EBF1: variants seen among roughly 807,000 people sequenced by gnomAD.
The protein encoded by EBF1 is transcription factor COE1.
A neutral mutation model predicts 68.4 loss-of-function variants in EBF1; 10 were observed. That is an observed-to-expected ratio of 0.15 (90% CI 0.09 to 0.25). The LOEUF is 0.25. Among genes scored for constraint, EBF1 ranks in the 10% least tolerant of loss-of-function variants. The pLI, the probability that EBF1 is intolerant of heterozygous loss-of-function variation, is 1.00. For missense variants in EBF1, 509 were observed against 794.4 expected, an observed-to-expected ratio of 0.64 and a Z score of 4.32; for synonymous variants, 298 against 299.8, an observed-to-expected ratio of 0.99 and a Z score of 0.06.
intron 6 of EBF1, among the ~76,000 whole-genome samples, chr5:158,941,759 A>G (rs1434205721): frequency 6.6e-6 from 1 of 152,192 alleles, no homozygotes; most frequent in Admixed American, 6.5e-5. Context: ...TTGCCCAAGG[A>G]TTAGGGGTCC....
intron 7 of EBF1, among the ~76,000 whole-genome samples, chr5:158,825,982 G>A (rs1582265789): frequency 6.7e-6 from 1 of 150,252 alleles, no homozygotes; most frequent in Non-Finnish European, 1.5e-5. Flanking sequence ...TTTAAAAATA[G>A]GCCCATGGTA....
chr5:158,962,451 A>G (rs1352057459), intron 6 of EBF1, among the ~76,000 whole-genome samples: 2 of 152,166 alleles, frequency 1.3e-5, no homozygotes, highest in African/African-American at 4.8e-5. Flanking sequence ...CAAGCTCAAT[A>G]TGATCACAGT....
chr5:158,712,881 AT>A (rs1052823490), intron 13 of EBF1, 88 bp downstream of exon 13: 2 of 1,283,416 alleles, frequency 1.6e-6, no homozygotes, highest in Non-Finnish European at 2.1e-6. Flanking sequence ...GATGAAAATA[AT>A]TTTTTAATGT....
intron 6 of EBF1, among the ~76,000 whole-genome samples, chr5:158,847,063 T>C (rs1978706): frequency 0.57 from 87,028 of 151,942 alleles, 25,705 homozygotes; most frequent in South Asian, 0.79. Flanking sequence ...TGGCCACTGA[T>C]TTCAAGAAGT....
chr5:158,841,434 T>A (rs1201243878), intron 6 of EBF1, among the ~76,000 whole-genome samples: 1 of 152,222 alleles, frequency 6.6e-6, no homozygotes, highest in South Asian at 2.1e-4. Flanking sequence ...CTAGATGTGA[T>A]GTGCCTGTGG....
At chr5:158,722,305 C>A (rs549027893) in intron 11 of EBF1, among the ~76,000 whole-genome samples, 1 of 152,300 alleles carries the variant, frequency 6.6e-6, no homozygotes, top group Admixed American at 6.5e-5. Flanking sequence ...CTTTAAGTCG[C>A]CAAGGCCTGG....
At chr5:158,798,680 G>A (rs533609458) in intron 8 of EBF1, among the ~76,000 whole-genome samples, 76 of 152,288 alleles carry the variant, frequency 5.0e-4, no homozygotes, top group African/African-American at 1.5e-3. Flanking sequence ...CCCAAGGAAA[G>A]TTGCAATGTT....
chr5:158,749,183 C>T (rs186771323), intron 10 of EBF1, among the ~76,000 whole-genome samples: 3 of 152,290 alleles, frequency 2.0e-5, no homozygotes. Context: ...GTATGTATCT[C>T]TGCTAATAAA....
chr5:159,051,069 G>T (rs1389555627), intron 6 of EBF1, among the ~76,000 whole-genome samples: 1 of 151,950 alleles, frequency 6.6e-6, no homozygotes, highest in African/African-American at 2.4e-5. Context: ...ATTTACATTT[G>T]TTTTTTATGT....
Position 158,748,072 on chromosome 5 carries a change from A to T in EBF1, c.1037-16915T>A, listed in dbSNP as rs115133283. On this transcript the variant is annotated intron_variant, in intron 10 of 15. Transcript: ENST00000313708. ...CACAGGAGAAAACAAATAGTAAAAG[A>T]TGCCTACAGTAAAAATATCTGTCTT... is the stretch of plus-strand genomic sequence containing the variant. Among the ~76,000 whole-genome samples, 411 of 152,332 alleles carry T rather than the reference A, an allele frequency of 2.7e-3. 1 individual carries two copies. Among genetic ancestry groups the T allele is most frequent in the Non-Finnish European group, 5.0e-3 (338 of 68,010 alleles).
At chr5:158,858,013 C>T (rs532307893) in intron 6 of EBF1, among the ~76,000 whole-genome samples, 1 of 152,064 alleles carries the variant, frequency 6.6e-6, no homozygotes, top group African/African-American at 2.4e-5. Context: ...AAAACTTTTT[C>T]TCCCTCTCCT....
chr5:158,816,928 A>G (rs1032171128), intron 8 of EBF1, among the ~76,000 whole-genome samples: 1 of 152,226 alleles, frequency 6.6e-6, no homozygotes, highest in African/African-American at 2.4e-5. Context: ...TCCAAAGTCC[A>G]GCAGCGAAGA....
chr5:158,768,111 C>G (rs1293775921), intron 10 of EBF1, among the ~76,000 whole-genome samples: 1 of 152,068 alleles, frequency 6.6e-6, no homozygotes, highest in Non-Finnish European at 1.5e-5. Context: ...TGGAGCAACA[C>G]ACACCCACTC....
At chr5:158,755,254 C>T (rs1769812572) in intron 10 of EBF1, among the ~76,000 whole-genome samples, 1 of 151,676 alleles carries the variant, frequency 6.6e-6, no homozygotes, top group Non-Finnish European at 1.5e-5. Flanking sequence ...AAGTAGAAAA[C>T]ACACATTTAA....
chr5:158,739,793 T>C (rs1258155667), intron 10 of EBF1, among the ~76,000 whole-genome samples: 4 of 152,194 alleles, frequency 2.6e-5, no homozygotes, highest in Non-Finnish European at 2.9e-5. Context: ...TTAGCTGTTA[T>C]CAAGGGGGTA....
chr5:158,903,432 T>C (rs1803879729), intron 6 of EBF1, among the ~76,000 whole-genome samples: 1 of 152,196 alleles, frequency 6.6e-6, no homozygotes, highest in African/African-American at 2.4e-5. Context: ...CTCTTCTCTC[T>C]GGCTTCTCCT....
intron 5 of EBF1, among the ~76,000 whole-genome samples, chr5:159,076,506 G>A (rs1302798264): frequency 6.6e-6 from 1 of 152,070 alleles, no homozygotes; most frequent in African/African-American, 2.4e-5. Context: ...CCTTTCTAAG[G>A]GACCCAGGGA....
rs774246898 is a variant in EBF1 at position 158,916,438 on chromosome 5, T to A, written c.555-76328A>T. On this transcript the variant is annotated intron_variant, in intron 6 of 15. Coordinates refer to ENST00000313708, the MANE Select transcript of EBF1 (RefSeq NM_024007.5). ...TTGATAGAACAAGATAAAATCATCATGTAAAAATAGCATGTACAATTTACT... is the reference window on the plus strand; with the variant it reads ...TTGATAGAACAAGATAAAATCATCAAGTAAAAATAGCATGTACAATTTACT... Among the ~76,000 whole-genome samples, 38 of 152,334 alleles carry A rather than the reference T, an allele frequency of 2.5e-4. 2 individuals are homozygous for A. The Middle Eastern group carries it at 0.01, about 41-fold the overall frequency.
At chr5:158,740,165 A>G (rs1036728979) in intron 10 of EBF1, among the ~76,000 whole-genome samples, 1 of 152,194 alleles carries the variant, frequency 6.6e-6, no homozygotes, top group Non-Finnish European at 1.5e-5. Context: ...TTTCAACAAC[A>G]CAATTGCTAA....
Sources: allele counts gnomAD v4.1 joint callset (sites outside exome capture counted in the v4.1 genomes callset), GRCh38; gene constraint gnomAD v4.1.1; transcripts MANE v1.5; gene names NCBI Gene and HGNC (gene_info 2026-07-23, HGNC 2026-07-21).